POU2F2: variants seen among roughly 807,000 people sequenced by gnomAD.
POU2F2 encodes POU domain, class 2, transcription factor 2.
POU2F2 carries 14 observed loss-of-function variants against 63.5 expected under a neutral mutation model. The observed-to-expected ratio is 0.22, with a 90% CI of 0.15 to 0.34. The LOEUF is 0.34. POU2F2 is among the 10% of genes least tolerant of loss of function. The pLI is 1.00. For synonymous variants in POU2F2, 306 were observed against 348.6 expected (o/e 0.88, Z 1.36); for missense variants, 607 against 815.2 (o/e 0.74, Z 3.11).
rs767371032 is a variant in POU2F2 at position 42,096,527 on chromosome 19, C to G, written c.568-284G>C. Reference sequence around the variant, plus strand: ...GCCTGCGAACTCCCAGAAGGAGCAGCCAGCTTTTTGTGCCAGGGCTCTTTC... The same window carrying G: ...GCCTGCGAACTCCCAGAAGGAGCAGGCAGCTTTTTGTGCCAGGGCTCTTTC... On this transcript the variant is annotated intron_variant, in intron 7 of 14. Transcript: ENST00000692977. The surrounding 1 kb of genome is among the most constrained non-coding windows in gnomAD (Gnocchi z 4.1). Among the ~76,000 whole-genome samples, 6 of 152,194 alleles carry G rather than the reference C, an allele frequency of 3.9e-5. No individual in the cohort carries two copies. Among genetic ancestry groups the G allele is most frequent in the Non-Finnish European group, 8.8e-5 (6 of 68,032 alleles).
intron 14 of POU2F2, 75 bp downstream of exon 14, chr19:42,091,792 G>C (rs1432241286): frequency 6.5e-7 from 1 of 1,544,448 alleles, no homozygotes; most frequent in Non-Finnish European, 8.7e-7. Context: ...GGCATGGCTG[G>C]AGCAGCAATG....
At chr19:42,164,983 G>T (rs1021365333) in intron 1 of POU2F2, among the ~76,000 whole-genome samples, 17 of 151,676 alleles carry the variant, frequency 1.1e-4, no homozygotes, top group Non-Finnish European at 2.5e-4. Flanking sequence ...GATAGCAAAA[G>T]GTAATGTCCT....
intron 1 of POU2F2, among the ~76,000 whole-genome samples, chr19:42,189,181 C>G (rs1436152206): frequency 2.0e-5 from 3 of 152,132 alleles, no homozygotes; most frequent in Non-Finnish European, 4.4e-5. Flanking sequence ...TTCTGCCCAC[C>G]CAGCATCCAT....
intron 11 of POU2F2, 75 bp from the exon 12 acceptor site, chr19:42,093,970 A>G: frequency 7.6e-7 from 1 of 1,311,132 alleles, no homozygotes; most frequent in Non-Finnish European, 1.1e-6. Flanking sequence ...GTAGGACCCC[A>G]CTCCTCCGTC....
At position 42,087,219 on chromosome 19, in the gene POU2F2, T is replaced by C. The variant is rs991560662; in HGVS notation, c.*4038A>G. The C allele has an allele frequency of 2.6e-5, 4 of 151,778 alleles. No homozygotes were observed. The highest frequency in any genetic ancestry group is 9.7e-5 in the African/African-American group (4 of 41,254). The allele number at this position is 151,778 out of a possible 1,614,324, so 9.4% of individuals were successfully genotyped here. ...GGCCTTTATCTCTCGCACTTGCCTTTCCCACTCAGAGACCAGTGGGGGCCC... is the reference window on the plus strand; with the variant it reads ...GGCCTTTATCTCTCGCACTTGCCTTCCCCACTCAGAGACCAGTGGGGGCCC... On this transcript the variant is annotated 3_prime_UTR_variant, in exon 15 of 15. Coordinates refer to ENST00000692977, the MANE Select transcript of POU2F2 (RefSeq NM_001394376.1).
At chr19:42,141,604 C>T (rs2034129071) in intron 2 of POU2F2, among the ~76,000 whole-genome samples, 1 of 151,384 alleles carries the variant, frequency 6.6e-6, no homozygotes, top group African/African-American at 2.4e-5. Context: ...GCCTCAGCCT[C>T]CCGAGTAGCT....
intron 1 of POU2F2, among the ~76,000 whole-genome samples, chr19:42,130,765 C>G (rs955570544): frequency 6.6e-6 from 1 of 151,422 alleles, no homozygotes; most frequent in East Asian, 2.0e-4. Flanking sequence ...TATCCCTGCT[C>G]AGACACCCCC....
intron 1 of POU2F2, among the ~76,000 whole-genome samples, chr19:42,125,551 G>A (rs964895841): frequency 2.6e-5 from 4 of 152,064 alleles, no homozygotes; most frequent in African/African-American, 7.3e-5. Flanking sequence ...CAGTAAAGGC[G>A]GGAATCCTGC....
At chr19:42,119,150 T>TA (rs537341897) in intron 4 of POU2F2, among the ~76,000 whole-genome samples, 220 of 138,964 alleles carry the variant, frequency 1.6e-3, no homozygotes, top group African/African-American at 4.2e-3. Flanking sequence ...AGAGAGAGGT[T>TA]AAAAAAAAAA....
Position 42,091,949 on chromosome 19 carries a change from G to A in POU2F2, c.1467-9C>T, listed in dbSNP as rs1027819897. On this transcript the variant is annotated splice_polypyrimidine_tract_variant and intron_variant, in intron 13 of 14. Coordinates refer to ENST00000692977, the MANE Select transcript of POU2F2 (RefSeq NM_001394376.1). ...ACCCCACCATTGTGCTTCTGCAAGA[G>A]GCAAAGCAGAGGCATTAGCAGGGGC... 7.1e-6 allele frequency: 11 copies of A among 1,541,850 alleles called. No individual in the cohort carries two copies. The highest frequency in any genetic ancestry group is 7.0e-6 in the Non-Finnish European group (8 of 1,144,128).
At chr19:42,097,510 T>C (rs1346261802) in intron 7 of POU2F2, among the ~76,000 whole-genome samples, 1 of 151,102 alleles carries the variant, frequency 6.6e-6, no homozygotes, top group Non-Finnish European at 1.5e-5. Flanking sequence ...TTTTTTTTTT[T>C]GGTATAAATT....
In POU2F2 at chr19:42,088,667, C is replaced by T. The variant is rs2076623390; in HGVS notation, c.*2590G>A. Reference sequence around the variant, plus strand: ...TATTTGGTCAGGAGCCCTTGGCCCCCTCTCCACCCTTGGGCTGGGGCCCAA... The same window carrying T: ...TATTTGGTCAGGAGCCCTTGGCCCCTTCTCCACCCTTGGGCTGGGGCCCAA... On this transcript the variant is annotated 3_prime_UTR_variant, in exon 15 of 15. Transcript: ENST00000692977. 6.6e-6 allele frequency: 1 copy of T among 152,572 alleles called. No homozygotes were observed. The highest frequency in any genetic ancestry group is 1.5e-5 in the Non-Finnish European group (1 of 68,036). 9.5% of individuals were successfully genotyped at this position (152,572 alleles called of 1,614,324 possible).
chr19:42,097,476 G>A (rs2076966315), intron 7 of POU2F2, among the ~76,000 whole-genome samples: 1 of 151,578 alleles, frequency 6.6e-6, no homozygotes, highest in African/African-American at 2.4e-5. Context: ...GGATTACAGG[G>A]GTGACCACTG....
rs753737152 is a variant in POU2F2, at chr19:42,089,668, G to A, written c.*1589C>T. ...GTGCAGGGGCTTGGCTCCGCCTCGC[G>A]GTTCCATCTTATTCTTGAAGAGTCC... On this transcript the variant is annotated 3_prime_UTR_variant, in exon 15 of 15. Transcript: ENST00000692977. 6.7e-6 allele frequency: 1 copy of A among 149,422 alleles called. No homozygotes were observed. The highest frequency in any genetic ancestry group is 2.5e-5 in the African/African-American group (1 of 40,438). 9.3% of individuals were successfully genotyped at this position (149,422 alleles called of 1,614,324 possible). A position where few individuals can be genotyped will look rare whatever the true frequency, so the allele number is the denominator to read the frequency against.
chr19:42,186,586 G>C (rs1207529050), intron 1 of POU2F2, among the ~76,000 whole-genome samples: 1 of 152,060 alleles, frequency 6.6e-6, no homozygotes, highest in Non-Finnish European at 1.5e-5. Context: ...TTTTCATCAA[G>C]AGCAGCTTTG....
chr19:42,152,653 C>A lies in POU2F2; in HGVS notation c.-9+7679G>T, dbSNP rs1362468960. On this transcript the variant is annotated intron_variant, in intron 2 of 6. Coordinates refer to the POU2F2 transcript ENST00000524801. The surrounding 1 kb of genome is among the most constrained non-coding windows in gnomAD (Gnocchi z 4.1). ...AGGGGCCAGGCACCCCCCACCACTC[C>A]CCTACAGCAGGAGAGCTTAGGGAGG... 6.6e-6 allele frequency: 1 copy of A among 152,508 alleles called. No individual in the cohort carries two copies. The highest frequency in any genetic ancestry group is 1.9e-4 in the East Asian group (1 of 5,194). The allele number at this position is 152,508 out of a possible 1,614,324, so 9.4% of individuals were successfully genotyped here. A position where few individuals can be genotyped will look rare whatever the true frequency, so the allele number is the denominator to read the frequency against.
chr19:42,178,278 A>T (rs2034920186), upstream of POU2F2, among the ~76,000 whole-genome samples: 1 of 152,158 alleles, frequency 6.6e-6, no homozygotes, highest in South Asian at 2.1e-4. Flanking sequence ...AGATAGCCAC[A>T]GAGAAGTAGA....
At chr19:42,125,428 A>C in intron 1 of POU2F2, among the ~76,000 whole-genome samples, 1 of 152,070 alleles carries the variant, frequency 6.6e-6, no homozygotes, top group Admixed American at 6.5e-5. Flanking sequence ...GGACGCTACC[A>C]GAGTTCAGGT....
intron 1 of POU2F2, 72 bp downstream of exon 1, chr19:42,132,312 G>T: frequency 6.5e-7 from 1 of 1,532,296 alleles, no homozygotes; most frequent in Non-Finnish European, 8.9e-7. Context: ...GGAGGGGCAG[G>T]CAGGGCCCGC....
Sources: gnomAD v4.1 joint callset for allele counts (sites outside exome capture counted in the v4.1 genomes callset) on GRCh38, gnomAD v4.1.1 for gene constraint, Gnocchi (gnomAD v3.1) non-coding constraint, MANE v1.5 for transcripts, NCBI Gene and HGNC (gene_info 2026-07-23, HGNC 2026-07-21) for gene names.